Variants in FREM2 observed in about 807,000 individuals in gnomAD.
FREM2 encodes the protein FRAS1 related extracellular matrix 2, also known as FRAS1-related extracellular matrix protein 2.
In FREM2, 119 loss-of-function variants were observed where a neutral mutation model predicts 219.9. The ratio of observed to expected loss-of-function variants is 0.54; its 90% CI spans 0.47 to 0.63. FREM2 has a LOEUF of 0.63. Among genes scored for constraint, FREM2 ranks in the 30% least tolerant of loss-of-function variants. The pLI, the probability that FREM2 is intolerant of heterozygous loss-of-function variation, is 0.00. For synonymous variants in FREM2, 1,562 were observed against 1,522.8 expected (o/e 1.03, Z -0.60); for missense variants, 4,030 against 3,993.6 (o/e 1.01, Z -0.25).
intron 2 of FREM2, among the ~76,000 whole-genome samples, chr13:38,708,663 A>G (rs9548433): frequency 0.12 from 18,297 of 152,108 alleles, 1,293 homozygotes; most frequent in Middle Eastern, 0.24. Context: ...CAATAAATAA[A>G]TAAATAATCT....
intron 7 of FREM2, 41 bp from the exon 8 acceptor site, chr13:38,848,415 AAATTT>A: frequency 7.4e-7 from 1 of 1,344,396 alleles, no homozygotes. Context: ...TAATTTTTTG[AAATTT>A]AATTAGTCCC....
intron 4 of FREM2, among the ~76,000 whole-genome samples, chr13:38,778,526 G>A (rs1873969879): frequency 6.6e-6 from 1 of 152,132 alleles, no homozygotes; most frequent in Non-Finnish European, 1.5e-5. Flanking sequence ...CACTGCCTTG[G>A]GGATTAGGGC....
chr13:38,688,032 T>C lies in FREM2; in HGVS notation c.688T>C (p.Tyr230His), dbSNP rs752918302. 6.2e-7 allele frequency: 1 copy of C among 1,609,778 alleles called. No homozygotes were observed. The highest frequency in any genetic ancestry group is 8.5e-7 in the Non-Finnish European group (1 of 1,176,840). The change falls in exon 1 of 24, where the codon TAT becomes CAT. Residue 230 changes from tyrosine (Y) to histidine (H), a missense_variant. This residue lies in a region of FREM2 where 3,102 missense variants were observed against 2,950.7 expected (regional missense o/e 1.05). Coordinates refer to ENST00000280481, the MANE Select transcript of FREM2 (RefSeq NM_207361.6). ...ILSGLGALPR[Y>H]GELLHYPQVP... is the part of the protein sequence containing the mutation. ...GTCCGGCTTGGGCGCGCTGCCTCGC[T>C]ATGGAGAACTCCTCCACTACCCGCA...
chr13:38,720,272 G>A (rs1421954259), intron 2 of FREM2, among the ~76,000 whole-genome samples: 1 of 152,112 alleles, frequency 6.6e-6, no homozygotes, highest in African/African-American at 2.4e-5. Flanking sequence ...TATTGTTACT[G>A]GAGAGTTTAA....
chr13:38,791,898 A>G (rs1276524455), intron 6 of FREM2, among the ~76,000 whole-genome samples: 3 of 152,228 alleles, frequency 2.0e-5, no homozygotes, highest in Non-Finnish European at 4.4e-5. Context: ...TGCCAGTAGT[A>G]TATTTCCTCC....
chr13:38,703,008 A>G (rs554310769), intron 2 of FREM2, among the ~76,000 whole-genome samples: 6 of 152,276 alleles, frequency 3.9e-5, no homozygotes, highest in Non-Finnish European at 8.8e-5. Context: ...AGAAGCTGCA[A>G]AGTCATTTCT....
At chr13:38,745,772 T>C (rs943253185) in intron 2 of FREM2, among the ~76,000 whole-genome samples, 2 of 152,202 alleles carry the variant, frequency 1.3e-5, no homozygotes, top group Non-Finnish European at 2.9e-5. Context: ...TCAATCCGAT[T>C]GAAACCAGAA....
chr13:38,861,702 C>A, intron 15 of FREM2, 140 bp downstream of exon 15: 1 of 911,224 alleles, frequency 1.1e-6, no homozygotes, highest in Non-Finnish European at 1.8e-6. Context: ...CCACTTCTTT[C>A]AACTGTTTTA....
At chr13:38,876,503 A>T in intron 20 of FREM2, 121 bp downstream of exon 20, 1 of 867,402 alleles carries the variant, frequency 1.2e-6, no homozygotes, top group South Asian at 1.5e-5. Context: ...TGAAAAGAAA[A>T]GAAATCAGAC....
chr13:38,783,318 A>C (rs564593165), intron 5 of FREM2, 123 bp downstream of exon 5: 3 of 1,053,924 alleles, frequency 2.8e-6, no homozygotes, highest in Admixed American at 1.8e-5. Context: ...ATAGATACAG[A>C]AAAGGATTTA....
At chr13:38,867,447 C>G (rs1267996885) in intron 16 of FREM2, among the ~76,000 whole-genome samples, 1 of 152,122 alleles carries the variant, frequency 6.6e-6, no homozygotes, top group Non-Finnish European at 1.5e-5. Flanking sequence ...AATGGTAATA[C>G]AATTTAATAA....
rs199955206 is a variant in FREM2 at position 38,864,547 on chromosome 13, T to C, written c.7924T>C (p.Tyr2642His). The change falls in exon 16 of 24, where the codon TAC becomes CAC. Residue 2642 changes from tyrosine (Y) to histidine (H), a missense_variant. Tyr to His is a moderately conservative substitution (Grantham distance 83). Transcript: ENST00000280481. Reference sequence around the variant, plus strand: ...GGCCTGTTTATGGGAGTTCGTTAGCTACTATGACATGTCAGAACTCCTTGC... The same window carrying C: ...GGCCTGTTTATGGGAGTTCGTTAGCCACTATGACATGTCAGAACTCCTTGC... ...LEACLWEFVS[Y>H]YDMSELLADC... 2 of 1,614,234 alleles carry C rather than the reference T, an allele frequency of 1.2e-6. No homozygotes were observed. The highest frequency in any genetic ancestry group is 1.7e-6 in the Non-Finnish European group (2 of 1,180,036).
At chr13:38,869,394 G>A (rs1195647327) in intron 16 of FREM2, among the ~76,000 whole-genome samples, 1 of 152,128 alleles carries the variant, frequency 6.6e-6, no homozygotes, top group Non-Finnish European at 1.5e-5. Context: ...AACTATATCT[G>A]ATTTTGCCAT....
intron 2 of FREM2, among the ~76,000 whole-genome samples, chr13:38,730,516 T>C (rs1473676659): frequency 6.6e-6 from 1 of 152,168 alleles, no homozygotes; most frequent in East Asian, 1.9e-4. Context: ...TCCCATTCTG[T>C]GAGGAAGGAA....
chr13:38,850,213 C>T lies in FREM2; in HGVS notation c.6555C>T (p.Thr2185=), dbSNP rs768547681. ...TTGAAGAACGCCCAAACACTGATAC[C>T]TCCATCATCACATTCCTCCCTGGTA... ...MDFEERPNTD[T]SIITFLPGET... is the part of the protein sequence containing the mutation. Residue 2185 remains threonine, a synonymous_variant, in exon 9 of 24, where the codon ACC becomes ACT. Transcript: ENST00000280481. The T allele has an allele frequency of 1.2e-6, 2 of 1,613,870 alleles. No homozygotes were observed. The highest frequency in any genetic ancestry group is 8.5e-7 in the Non-Finnish European group (1 of 1,179,804).
intron 2 of FREM2, among the ~76,000 whole-genome samples, chr13:38,747,413 G>GTGTA (rs1872530536): frequency 6.6e-6 from 1 of 151,598 alleles, no homozygotes; most frequent in South Asian, 2.1e-4. Context: ...GTGTGTGTGT[G>GTGTA]TGTGTGTGTG....
intron 11 of FREM2, among the ~76,000 whole-genome samples, chr13:38,853,347 C>G (rs1187267347): frequency 2.0e-5 from 3 of 147,598 alleles, no homozygotes; most frequent in Non-Finnish European, 4.5e-5. Flanking sequence ...CAAATCAGTT[C>G]TTCTCTCTCA....
rs145151397 is a variant in FREM2, at chr13:38,878,373, C to T, written c.8859+52C>T. 8.8e-5 allele frequency: 117 copies of T among 1,331,968 alleles called. No individual in the cohort carries two copies. In the African/African-American group the frequency reaches 1.2e-3, roughly 13 times the overall value. 82.5% of individuals were successfully genotyped at this position (1,331,968 alleles called of 1,614,324 possible). A position where few individuals can be genotyped will look rare whatever the true frequency, so the allele number is the denominator to read the frequency against. Reference sequence around the variant, plus strand: ...CTAGATAGATTTTTCAAAGTTCAGCCTCCTTGTCTTATATTTAAAAACAAG... The same window carrying T: ...CTAGATAGATTTTTCAAAGTTCAGCTTCCTTGTCTTATATTTAAAAACAAG... On this transcript the variant is annotated intron_variant, in intron 22 of 23. Coordinates refer to ENST00000280481, the MANE Select transcript of FREM2 (RefSeq NM_207361.6).
chr13:38,830,471 T>C (rs1876464579), intron 6 of FREM2, among the ~76,000 whole-genome samples: 1 of 152,220 alleles, frequency 6.6e-6, no homozygotes, highest in African/African-American at 2.4e-5. Flanking sequence ...CCACGGCTTA[T>C]GGTCTAACTC....
Sources: allele counts gnomAD v4.1 joint callset (sites outside exome capture counted in the v4.1 genomes callset), GRCh38; gene constraint gnomAD v4.1.1; regional missense constraint gnomAD v4.1.1; transcripts MANE v1.5; gene names NCBI Gene and HGNC (gene_info 2026-07-23, HGNC 2026-07-21).